Variants in NR2E1 observed in about 807,000 individuals in gnomAD.
NR2E1 encodes nuclear receptor subfamily 2 group E member 1, also known as nuclear receptor TLX.
In NR2E1, 5 loss-of-function variants were observed where a neutral mutation model predicts 43.6. That is an observed-to-expected ratio of 0.11 (90% CI 0.06 to 0.24). The LOEUF is 0.24. Among genes scored for constraint, NR2E1 ranks in the 10% least tolerant of loss-of-function variants. NR2E1 has a pLI of 1.00. For synonymous variants in NR2E1, 191 were observed against 195.5 expected (o/e 0.98, Z 0.19); for missense variants, 287 against 496.7 (o/e 0.58, Z 4.01).
At chr6:108,182,158 C>T (rs561330544) in intron 8 of NR2E1, among the ~76,000 whole-genome samples, 6 of 148,626 alleles carry the variant, frequency 4.0e-5, no homozygotes, top group East Asian at 4.1e-4. Flanking sequence ...AGGAGAATGT[C>T]GTGAACCTGG....
At position 108,166,604 on chromosome 6, in the gene NR2E1, C is replaced by T. The variant is rs1773711854; in HGVS notation, c.-162C>T. 8 of 555,164 alleles carry T rather than the reference C, an allele frequency of 1.4e-5. No individual in the cohort carries two copies. In the Admixed American group the frequency reaches 2.3e-4, roughly 16 times the overall value. 34.4% of individuals were successfully genotyped at this position (555,164 alleles called of 1,614,324 possible). On this transcript the variant is annotated 5_prime_UTR_variant, in exon 1 of 9. Coordinates refer to ENST00000368986, the MANE Select transcript of NR2E1 (RefSeq NM_003269.5). This position sits in a 1 kb window ranked among gnomAD's most constrained non-coding sequence, Gnocchi z 7.2. ...TCCACTGTTGGACGAATTCTGAGCG[C>T]CCAGGGAGCAGCGCAGCGCGCGACT...
chr6:108,178,029 G>C, intron 4 of NR2E1, 66 bp from the exon 5 acceptor site: 1 of 1,555,880 alleles, frequency 6.4e-7, no homozygotes, highest in South Asian at 1.1e-5. Flanking sequence ...GAAATTAAAA[G>C]TTTGGTTCTT....
At chr6:108,171,668 C>T in intron 2 of NR2E1, 65 bp downstream of exon 2, 1 of 1,600,476 alleles carries the variant, frequency 6.2e-7, no homozygotes. Flanking sequence ...TTGTTTGTGC[C>T]AAGGCCTCCT....
chr6:108,184,723 C>A (rs959200756), intron 8 of NR2E1, among the ~76,000 whole-genome samples: 2 of 151,846 alleles, frequency 1.3e-5, no homozygotes, highest in African/African-American at 4.8e-5. Context: ...TAGGGTGGCC[C>A]GAGAGAATTC....
At chr6:108,171,358 T>G in intron 1 of NR2E1, 100 bp from the exon 2 acceptor site, 1 of 1,300,408 alleles carries the variant, frequency 7.7e-7, no homozygotes, top group East Asian at 2.3e-5. Context: ...GAGGTCAGAT[T>G]GCTTAGCATC....
At chr6:108,184,787 C>T (rs900488957) in intron 8 of NR2E1, among the ~76,000 whole-genome samples, 2 of 152,126 alleles carry the variant, frequency 1.3e-5, no homozygotes, top group Admixed American at 6.5e-5. Flanking sequence ...AAGTACATCT[C>T]CCCAACACCG....
In NR2E1 at chr6:108,166,811, CG is replaced by C. The variant is rs771203460; in HGVS notation, c.25+22del. ...AACAAGTGGGTACCTCTCGGGCCGC[CG>C]TGGGGCCTAGGCGCGCAGCCTGGGG... On this transcript the variant is annotated intron_variant, in intron 1 of 8. Transcript: ENST00000368986. The surrounding 1 kb of genome is among the most constrained non-coding windows in gnomAD (Gnocchi z 7.2). The C allele has an allele frequency of 1.3e-6, 2 of 1,589,084 alleles. No individual in the cohort carries two copies. Among genetic ancestry groups the C allele is most frequent in the South Asian group, 2.3e-5 (2 of 87,350 alleles).
intron 4 of NR2E1, 39 bp downstream of exon 4, chr6:108,176,777 C>T: frequency 3.3e-6 from 5 of 1,519,650 alleles, no homozygotes; most frequent in Middle Eastern, 2.1e-4. Flanking sequence ...CTCGTGCCAG[C>T]GAATGGAGAG....
intron 3 of NR2E1, among the ~76,000 whole-genome samples, chr6:108,175,210 G>C (rs1477455522): frequency 1.3e-5 from 2 of 152,196 alleles, no homozygotes; most frequent in Non-Finnish European, 2.9e-5. Flanking sequence ...CCAGGGGACC[G>C]GCGCGCATTT....
intron 1 of NR2E1, chr6:108,168,198 G>A (rs747475211): frequency 6.4e-7 from 1 of 1,553,406 alleles, no homozygotes; most frequent in Admixed American, 2.0e-5. Flanking sequence ...CCGCATTCCC[G>A]GGCGTGAGTG....
intron 8 of NR2E1, among the ~76,000 whole-genome samples, chr6:108,183,606 T>C (rs1411440092): frequency 6.6e-6 from 1 of 152,136 alleles, no homozygotes; most frequent in Non-Finnish European, 1.5e-5. Flanking sequence ...CCTCAACTAA[T>C]GGGTCAGAGA....
In NR2E1 at chr6:108,166,724, T is replaced by C. The variant is rs1189463710; in HGVS notation, c.-42T>C. ...CGAGGCGGGCGCTGCCGGCCGGGAC[T>C]CGGGCAGCGCCCACCAACCGCTCCG... On this transcript the variant is annotated 5_prime_UTR_variant, in exon 1 of 9. Coordinates refer to ENST00000368986, the MANE Select transcript of NR2E1 (RefSeq NM_003269.5). This position sits in a 1 kb window ranked among gnomAD's most constrained non-coding sequence, Gnocchi z 7.2. 2.0e-6 allele frequency: 3 copies of C among 1,516,376 alleles called. No individual in the cohort carries two copies. Among genetic ancestry groups the C allele is most frequent in the East Asian group, 2.6e-5 (1 of 39,012 alleles). 93.9% of individuals were successfully genotyped at this position (1,516,376 alleles called of 1,614,324 possible).
chr6:108,174,751 C>T lies in NR2E1; in HGVS notation c.172-85C>T, dbSNP rs1390838888. ...CTGCGGCCGGGCAAGGTCGCGCCTC[C>T]ACACCGTTTCCCCGCCCGGGTGCCG... On this transcript the variant is annotated intron_variant, in intron 2 of 8. Transcript: ENST00000368986. 2.5e-6 allele frequency: 3 copies of T among 1,203,768 alleles called. No individual in the cohort carries two copies. The East Asian group carries it at 7.2e-5, about 29-fold the overall frequency. The allele number at this position is 1,203,768 out of a possible 1,614,324, so 74.6% of individuals were successfully genotyped here.
At chr6:108,185,628 G>A (rs1428201729) in intron 8 of NR2E1, among the ~76,000 whole-genome samples, 1 of 152,120 alleles carries the variant, frequency 6.6e-6, no homozygotes, top group African/African-American at 2.4e-5. Context: ...GGGCTCAAGC[G>A]ATGCTCTTGC....
chr6:108,181,093 C>T (rs1773977335), intron 7 of NR2E1, 137 bp downstream of exon 7: 7 of 966,608 alleles, frequency 7.2e-6, no homozygotes, highest in Non-Finnish European at 1.2e-5. Flanking sequence ...TAATCTGGCC[C>T]CATTTTTTAT....
rs1186894331 is a variant in NR2E1 at position 108,180,406 on chromosome 6, A to G, written c.726A>G (p.Leu242=). The stretch of plus-strand genomic sequence containing the variant: ...CCATTCCGGTTGATGCTAACACTCT[A>G]CTGGCTGTATCTGGTAAGAATTGCA... ...QWAIPVDANT[L]LAVSGMNGDN... The change falls in exon 6 of 9, where the codon CTA becomes CTG. Residue 242 remains leucine, a synonymous_variant. Transcript: ENST00000368986. The surrounding 1 kb of genome is among the most constrained non-coding windows in gnomAD (Gnocchi z 5.4). 6.2e-7 allele frequency: 1 copy of G among 1,606,974 alleles called. No homozygotes were observed. Among genetic ancestry groups the G allele is most frequent in the Non-Finnish European group, 8.5e-7 (1 of 1,173,580 alleles).
chr6:108,171,682 A>C, intron 2 of NR2E1, 79 bp downstream of exon 2: 1 of 1,578,166 alleles, frequency 6.3e-7, no homozygotes, highest in Non-Finnish European at 8.7e-7. Flanking sequence ...GCCTCCTCTG[A>C]GTTTCCACGC....
At chr6:108,167,902 G>C in intron 1 of NR2E1, 1 of 929,566 alleles carries the variant, frequency 1.1e-6, no homozygotes, top group Non-Finnish European at 1.6e-6. Flanking sequence ...TCACTTAAGT[G>C]GGATGCAATT....
At chr6:108,184,342 G>A (rs1376551540) in intron 8 of NR2E1, among the ~76,000 whole-genome samples, 2 of 152,210 alleles carry the variant, frequency 1.3e-5, no homozygotes, top group Non-Finnish European at 2.9e-5. Flanking sequence ...ATCCAGTCAA[G>A]CCTTTGCCGA....
Sources: allele counts gnomAD v4.1 joint callset (sites outside exome capture counted in the v4.1 genomes callset), GRCh38; gene constraint gnomAD v4.1.1; non-coding constraint Gnocchi (gnomAD v3.1); transcripts MANE v1.5; gene names NCBI Gene and HGNC (gene_info 2026-07-23, HGNC 2026-07-21).